Variants in ADCY2 observed in about 807,000 individuals in gnomAD.
ADCY2 encodes the protein adenylate cyclase type 2.
In ADCY2, 31 loss-of-function variants were observed where a neutral mutation model predicts 125.2. The ratio of observed to expected loss-of-function variants is 0.25; its 90% confidence interval spans 0.19 to 0.33. The LOEUF is 0.33. ADCY2 is among the 10% of genes least tolerant of loss of function. The probability of loss-of-function intolerance (pLI) is 1.00; values close to 1 mark genes in which losing one functional copy is unlikely to be tolerated. For missense variants in ADCY2, 904 were observed against 1,418.2 expected (o/e 0.64, Z 5.82); for synonymous variants, 512 against 548.4 (o/e 0.93, Z 0.93).
At chr5:7,641,350 C>A (rs1461456502) in intron 4 of ADCY2, among the ~76,000 whole-genome samples, 1 of 152,100 alleles carries the variant, frequency 6.6e-6, no homozygotes, top group African/African-American at 2.4e-5. Context: ...AAATGCAGAT[C>A]AAAAACACAG....
At chr5:7,626,136 C>A (rs1320742150) in intron 3 of ADCY2, 31 bp from the exon 4 acceptor site, 12 of 1,596,108 alleles carry the variant, frequency 7.5e-6, no homozygotes, top group Non-Finnish European at 1.0e-5. Context: ...GAAACAGTTA[C>A]CCTATTGAGC....
At chr5:7,696,578 C>G (rs1023288680) in intron 6 of ADCY2, among the ~76,000 whole-genome samples, 1 of 152,198 alleles carries the variant, frequency 6.6e-6, no homozygotes, top group East Asian at 1.9e-4. Flanking sequence ...CTGGTCAATT[C>G]TCTCTTTGAA....
Position 7,784,391 on chromosome 5 carries a change from C to G in ADCY2, c.2411C>G (p.Thr804Ser). Residue 804 changes from threonine to serine, a missense_variant, in exon 19 of 25, where the codon ACC (threonine) becomes AGC (serine). Thr to Ser is a moderately conservative substitution (Grantham distance 58, BLOSUM62 1). Coordinates refer to ENST00000338316, the MANE Select transcript of ADCY2 (RefSeq NM_020546.3). The stretch of plus-strand genomic sequence containing the variant: ...CCAGGCATTTGGAAAGACCTGAAGA[C>G]CATGGGCTCTGTGTCTCTCTCTATA... ...ERPGIWKDLK[T>S]MGSVSLSIFF... is the part of the protein sequence containing the mutation. The G allele has an allele frequency of 6.2e-7, 1 of 1,613,926 alleles. No individual in the cohort carries two copies. The highest frequency in any genetic ancestry group is 8.5e-7 in the Non-Finnish European group (1 of 1,179,928).
chr5:7,794,009 T>C (rs2126510759), intron 20 of ADCY2: 1 of 151,972 alleles, frequency 6.6e-6, no homozygotes, highest in Middle Eastern at 3.4e-3. Context: ...ATGCCAAGGG[T>C]GTTTGGATGA....
chr5:7,439,017 A>T (rs1740909676), intron 2 of ADCY2, among the ~76,000 whole-genome samples: 1 of 152,186 alleles, frequency 6.6e-6, no homozygotes, highest in South Asian at 2.1e-4. Flanking sequence ...AATGCTGCAA[A>T]ATGTACCAGT....
At chr5:7,639,611 A>G (rs1429133735) in intron 4 of ADCY2, among the ~76,000 whole-genome samples, 3 of 152,216 alleles carry the variant, frequency 2.0e-5, no homozygotes, top group South Asian at 2.1e-4. Context: ...CTCTCCGTCT[A>G]TCTTTTCTAA....
intron 4 of ADCY2, among the ~76,000 whole-genome samples, chr5:7,687,844 A>C (rs912030001): frequency 2.0e-5 from 3 of 152,186 alleles, no homozygotes; most frequent in Admixed American, 6.5e-5. Context: ...ATTCAATGGA[A>C]GATGGTATTG....
At chr5:7,730,403 A>C (rs536139899) in intron 14 of ADCY2, among the ~76,000 whole-genome samples, 1 of 152,278 alleles carries the variant, frequency 6.6e-6, no homozygotes, top group South Asian at 2.1e-4. Context: ...ATTATTTCCT[A>C]GGATTTTAGC....
intron 3 of ADCY2, among the ~76,000 whole-genome samples, chr5:7,553,839 C>T (rs1735420333): frequency 6.6e-6 from 1 of 152,178 alleles, no homozygotes; most frequent in Non-Finnish European, 1.5e-5. Flanking sequence ...GCACCTTACC[C>T]AGGGTGTTCC....
intron 2 of ADCY2, among the ~76,000 whole-genome samples, chr5:7,499,662 T>C (rs977891770): frequency 4.7e-4 from 56 of 118,984 alleles, no homozygotes; most frequent in Non-Finnish European, 9.9e-4. Flanking sequence ...TATATATATA[T>C]ATATATATAT....
intron 24 of ADCY2, among the ~76,000 whole-genome samples, chr5:7,824,146 C>T (rs1745391256): frequency 6.6e-6 from 1 of 152,100 alleles, no homozygotes; most frequent in African/African-American, 2.4e-5. Context: ...AAAAACGATG[C>T]CCAGACCATT....
At chr5:7,411,716 T>A (rs1056553506) in intron 1 of ADCY2, among the ~76,000 whole-genome samples, 1 of 151,980 alleles carries the variant, frequency 6.6e-6, no homozygotes, top group Admixed American at 6.5e-5. Context: ...CAAAATCAAG[T>A]CTTACATACT....
chr5:7,707,639 C>G (rs1741304846), intron 8 of ADCY2, 67 bp from the exon 9 acceptor site: 2 of 1,558,958 alleles, frequency 1.3e-6, no homozygotes, highest in African/African-American at 2.7e-5. Flanking sequence ...AAATCATGAG[C>G]AAATAGAAAC....
intron 22 of ADCY2, among the ~76,000 whole-genome samples, chr5:7,809,490 C>G (rs1329217904): frequency 3.3e-5 from 5 of 152,254 alleles, no homozygotes; most frequent in African/African-American, 2.4e-5. Context: ...CTTTGCTTCT[C>G]TAGTTATGAA....
At position 7,414,719 on chromosome 5, in the gene ADCY2, C is replaced by T. The variant is rs1739869332; in HGVS notation, c.357C>T (p.Ala119=). 6.2e-7 allele frequency: 1 copy of T among 1,613,614 alleles called. No homozygotes were observed. Among genetic ancestry groups the T allele is most frequent in the Non-Finnish European group, 8.5e-7 (1 of 1,179,924 alleles). The change falls in exon 2 of 25, where the codon GCC becomes GCT. Residue 119 remains alanine (A), a synonymous_variant. Transcript: ENST00000338316. ...TGGTGATATGGATATGCCTTGTTGC[C>T]ATGGGATACCTGTTCATGTGTTTTG... is the stretch of plus-strand genomic sequence containing the variant. ...FSLVIWICLV[A]MGYLFMCFGG...
chr5:7,396,450 C>T lies in ADCY2; in HGVS notation c.154C>T (p.Leu52Phe). The change falls in exon 1 of 25, where the codon CTC becomes TTC. Residue 52 changes from leucine to phenylalanine, a missense_variant. Physicochemically the swap from Leu to Phe is conservative, Grantham distance 22 (BLOSUM62 0). Coordinates refer to ENST00000338316, the MANE Select transcript of ADCY2 (RefSeq NM_020546.3). The surrounding 1 kb of genome is among the most constrained non-coding windows in gnomAD (Gnocchi z 5.7). ...QQHPLIVFLL[L>F]IVMGSCLALL... is the part of the protein sequence containing the mutation. Reference sequence around the variant, plus strand: ...GCACCCGCTCATCGTCTTCCTGCTGCTCATCGTCATGGGCTCCTGCCTCGC... The same window carrying T: ...GCACCCGCTCATCGTCTTCCTGCTGTTCATCGTCATGGGCTCCTGCCTCGC... The T allele has an allele frequency of 1.3e-6, 2 of 1,578,404 alleles. No individual in the cohort carries two copies. The highest frequency in any genetic ancestry group is 2.4e-5 in the East Asian group (1 of 41,060).
chr5:7,627,471 G>A (rs1169684907), intron 4 of ADCY2, among the ~76,000 whole-genome samples: 2 of 152,144 alleles, frequency 1.3e-5, no homozygotes, highest in African/African-American at 4.8e-5. Context: ...GTGTTCCTGG[G>A]TTTGTGTATT....
chr5:7,418,626 A>G (rs1161830583), intron 2 of ADCY2, among the ~76,000 whole-genome samples: 4 of 150,100 alleles, frequency 2.7e-5, no homozygotes, highest in South Asian at 4.2e-4. Context: ...AAATGAAATT[A>G]AAAACAAAAG....
At chr5:7,589,940 G>A (rs1736793359) in intron 3 of ADCY2, among the ~76,000 whole-genome samples, 1 of 152,166 alleles carries the variant, frequency 6.6e-6, no homozygotes. Flanking sequence ...GATTCCAAAA[G>A]GCCTCTTGGT....
Sources: allele counts gnomAD v4.1 joint callset (sites outside exome capture counted in the v4.1 genomes callset), GRCh38; gene constraint gnomAD v4.1.1; non-coding constraint Gnocchi (gnomAD v3.1); transcripts MANE v1.5; gene names NCBI Gene and HGNC (gene_info 2026-07-23, HGNC 2026-07-21).